The following NCOA7 variants were observed in gnomAD, a reference collection of about 807,000 sequenced individuals.
NCOA7 encodes the protein 140 kDa estrogen receptor-associated protein.
Under a neutral mutation model 104.3 loss-of-function variants are expected in NCOA7, and 45 were observed. The observed-to-expected ratio is 0.43, with a 90% CI of 0.34 to 0.55. The LOEUF (loss-of-function observed/expected upper bound fraction) is 0.55, where lower values mean the gene tolerates loss of function less well. Ranked by LOEUF, NCOA7 falls within the 20% of genes least tolerant of loss-of-function variation. NCOA7 has a pLI of 0.02. For synonymous variants in NCOA7, 398 were observed against 402.3 expected (o/e 0.99, Z 0.13); for missense variants, 1,041 against 1,119.7 (o/e 0.93, Z 1.00).
Position 125,860,559 on chromosome 6 carries a change from G to A in NCOA7, c.271+5319G>A, listed in dbSNP as rs557384798. Among the ~76,000 whole-genome samples the A allele has an allele frequency of 3.0e-3, 456 of 152,256 alleles. 1 individual carries two copies. The highest frequency in any genetic ancestry group is 0.011 in the African/African-American group (438 of 41,548). ...GACGGGGTTTCACCACGTTGGCCAG[G>A]CTGGTCTCCAACTCCTGGCCTCAAG... On this transcript the variant is annotated intron_variant, in intron 3 of 15. Transcript: ENST00000392477.
At chr6:125,851,896 T>C (rs1162588793) in intron 2 of NCOA7, among the ~76,000 whole-genome samples, 1 of 152,160 alleles carries the variant, frequency 6.6e-6, no homozygotes, top group Non-Finnish European at 1.5e-5. Context: ...ATATCTTTTT[T>C]TTTTTCGAGA....
chr6:125,838,503 G>A (rs1478903500), intron 2 of NCOA7, among the ~76,000 whole-genome samples: 1 of 152,160 alleles, frequency 6.6e-6, no homozygotes, highest in Non-Finnish European at 1.5e-5. Flanking sequence ...AGACAGCTTT[G>A]CAGGGGTACT....
At chr6:125,798,272 T>TA (rs1194443684) in intron 1 of NCOA7, 1 of 152,212 alleles carries the variant, frequency 6.6e-6, no homozygotes, top group East Asian at 1.9e-4. Flanking sequence ...CAGAGCCACT[T>TA]ATGTGGCTTG....
rs1788294243 is a variant in NCOA7, at chr6:125,929,039, A to G, written c.*268A>G. ...CCAAATCCATACAGTGAGGAATCAGAGTGTTTATAGATATATGAGTTGAAT... is the reference window on the plus strand; with the variant it reads ...CCAAATCCATACAGTGAGGAATCAGGGTGTTTATAGATATATGAGTTGAAT... On this transcript the variant is annotated 3_prime_UTR_variant, in exon 16 of 16. Transcript: ENST00000392477. 3.1e-6 allele frequency: 1 copy of G among 322,222 alleles called. No individual in the cohort carries two copies. Among genetic ancestry groups the G allele is most frequent in the Non-Finnish European group, 5.6e-6 (1 of 177,882 alleles). 20.0% of individuals were successfully genotyped at this position (322,222 alleles called of 1,614,324 possible).
chr6:125,904,659 T>C (rs1283380379), intron 10 of NCOA7, among the ~76,000 whole-genome samples: 1 of 152,148 alleles, frequency 6.6e-6, no homozygotes, highest in Non-Finnish European at 1.5e-5. Context: ...TTGCCATGAT[T>C]CTTAATTTAA....
At chr6:125,825,912 A>G (rs1397622864) in intron 2 of NCOA7, among the ~76,000 whole-genome samples, 1 of 152,236 alleles carries the variant, frequency 6.6e-6, no homozygotes, top group Non-Finnish European at 1.5e-5. Context: ...ACAGGTATAT[A>G]CACACACATA....
chr6:125,881,041 G>A (rs1348778906), intron 5 of NCOA7, 49 bp from the exon 6 acceptor site: 1 of 1,141,616 alleles, frequency 8.8e-7, no homozygotes, highest in East Asian at 2.3e-5. Flanking sequence ...ACTCACTAGT[G>A]GTTTGCCTGG....
chr6:125,823,456 A>C (rs1583302214), intron 2 of NCOA7, among the ~76,000 whole-genome samples: 1 of 152,240 alleles, frequency 6.6e-6, no homozygotes, highest in Non-Finnish European at 1.5e-5. Context: ...CTTATTTGAC[A>C]GTATTACAAA....
intron 1 of NCOA7, chr6:125,797,948 T>C (rs1194912214): frequency 1.3e-5 from 2 of 152,192 alleles, no homozygotes; most frequent in South Asian, 2.1e-4. Flanking sequence ...AGGAATAGAA[T>C]ATTCACAAAA....
At chr6:125,879,972 C>G (rs922655644) in intron 5 of NCOA7, among the ~76,000 whole-genome samples, 2 of 152,102 alleles carry the variant, frequency 1.3e-5, no homozygotes, top group Non-Finnish European at 2.9e-5. Context: ...CCACTGCACT[C>G]CAGCCTGGGT....
chr6:125,822,683 C>A (rs1015722630), intron 2 of NCOA7, among the ~76,000 whole-genome samples: 1 of 151,982 alleles, frequency 6.6e-6, no homozygotes, highest in African/African-American at 2.4e-5. Flanking sequence ...GCCTGTAGTC[C>A]CAGCACTTTG....
chr6:125,849,826 C>A (rs1554268837), intron 2 of NCOA7, among the ~76,000 whole-genome samples: 2 of 152,118 alleles, frequency 1.3e-5, no homozygotes, highest in Non-Finnish European at 2.9e-5. Context: ...CACTTGTACT[C>A]ACAGCAATCA....
Position 125,881,765 on chromosome 6 carries a change from C to CT in NCOA7, c.573+569dup, listed in dbSNP as rs980119736. ...CATGGATAGTTTATTTGTATTCCTC[C>CT]TTTTTTTAAAAAAAAAAAACAAATT... is the stretch of plus-strand genomic sequence containing the variant. On this transcript the variant is annotated intron_variant, in intron 6 of 15. Transcript: ENST00000392477. Among the ~76,000 whole-genome samples the CT allele has an allele frequency of 1.7e-4, 25 of 147,972 alleles. No homozygotes were observed. In the East Asian group the frequency reaches 3.0e-3, roughly 17 times the overall value.
chr6:125,922,235 C>T (rs1787649803), intron 12 of NCOA7, among the ~76,000 whole-genome samples: 1 of 152,204 alleles, frequency 6.6e-6, no homozygotes, highest in African/African-American at 2.4e-5. Context: ...ACTTCTAACA[C>T]TAAACGTCCC....
At chr6:125,907,362 G>A (rs930356820) in intron 10 of NCOA7, among the ~76,000 whole-genome samples, 7 of 147,054 alleles carry the variant, frequency 4.8e-5, no homozygotes, top group Non-Finnish European at 1.1e-4. Flanking sequence ...GGTACCACCT[G>A]AGCGATGGGG....
intron 10 of NCOA7, among the ~76,000 whole-genome samples, chr6:125,892,635 C>T (rs1282800114): frequency 2.6e-5 from 4 of 152,136 alleles, no homozygotes; most frequent in Non-Finnish European, 4.4e-5. Context: ...GATCACGCCA[C>T]TGCACTCCAG....
chr6:125,807,003 G>C (rs1433838167), intron 1 of NCOA7, among the ~76,000 whole-genome samples: 1 of 152,162 alleles, frequency 6.6e-6, no homozygotes, highest in Non-Finnish European at 1.5e-5. Context: ...TAAAACGGTT[G>C]CTCAGTATGT....
At chr6:125,815,869 G>A (rs1250648697) in intron 2 of NCOA7, among the ~76,000 whole-genome samples, 2 of 152,258 alleles carry the variant, frequency 1.3e-5, no homozygotes, top group Non-Finnish European at 2.9e-5. Context: ...TTGAATCAGA[G>A]TCATTTTTAA....
upstream of NCOA7, among the ~76,000 whole-genome samples, chr6:125,787,474 C>A (rs572858314): frequency 6.6e-6 from 1 of 152,142 alleles, no homozygotes; most frequent in African/African-American, 2.4e-5. Context: ...ACAGGCTCAG[C>A]GAAACAAACA....
Sources: gnomAD v4.1 joint callset for allele counts (sites outside exome capture counted in the v4.1 genomes callset) on GRCh38, gnomAD v4.1.1 for gene constraint, MANE v1.5 for transcripts, NCBI Gene and HGNC (gene_info 2026-07-23, HGNC 2026-07-21) for gene names.